Variants in KCNIP2 observed in about 807,000 individuals in gnomAD.
KCNIP2 encodes A-type potassium channel modulatory protein KCNIP2.
A neutral mutation model predicts 39.0 loss-of-function variants in KCNIP2; 19 were observed. The ratio of observed to expected loss-of-function variants is 0.49; its 90% CI spans 0.34 to 0.71. The LOEUF is 0.71. Among genes scored for constraint, KCNIP2 ranks in the 30% least tolerant of loss-of-function variants. KCNIP2 has a pLI of 0.01. For synonymous variants in KCNIP2, 111 were observed against 131.2 expected, an observed-to-expected ratio of 0.85 and a Z score of 1.05; for missense variants, 261 against 346.0, an observed-to-expected ratio of 0.75 and a Z score of 1.95.
At chr10:101,832,506 C>T (rs1486900260) in intron 1 of KCNIP2, among the ~76,000 whole-genome samples, 1 of 152,162 alleles carries the variant, frequency 6.6e-6, no homozygotes, top group African/African-American at 2.4e-5. Context: ...AGGCTTCACC[C>T]TCCAGATCAG....
chr10:101,839,710 CT>C, intron 1 of KCNIP2: 1 of 1,595,158 alleles, frequency 6.3e-7, no homozygotes, highest in Non-Finnish European at 8.6e-7. Flanking sequence ...ACTTCGCTCA[CT>C]TTTTGAAGGA....
chr10:101,840,539 G>T (rs2066298195), intron 1 of KCNIP2, among the ~76,000 whole-genome samples: 2 of 61,880 alleles, frequency 3.2e-5, no homozygotes, highest in Admixed American at 3.8e-4. Flanking sequence ...TTCGAGAAGA[G>T]CCCCCCCCGC....
chr10:101,828,121 CA>C lies in KCNIP2; in HGVS notation c.597+29del. 6.2e-7 allele frequency: 1 copy of C among 1,600,978 alleles called. No homozygotes were observed. Among genetic ancestry groups the C allele is most frequent in the Non-Finnish European group, 8.6e-7 (1 of 1,168,152 alleles). ...CTGCACGCCACCCCCATCACCGCCA[CA>C]GACCCCCAGCCCTTCAGTTGCCCTG... On this transcript the variant is annotated intron_variant, in intron 7 of 9. Coordinates refer to ENST00000356640, the MANE Select transcript of KCNIP2 (RefSeq NM_173191.3). The surrounding 1 kb of genome is among the most constrained non-coding windows in gnomAD (Gnocchi z 6.6).
In KCNIP2 at chr10:101,827,115, G is replaced by T; in HGVS notation, c.*238C>A. 1 of 983,818 alleles carries T rather than the reference G, an allele frequency of 1.0e-6. No homozygotes were observed. The highest frequency in any genetic ancestry group is 1.3e-6 in the Non-Finnish European group (1 of 751,026). 60.9% of individuals were successfully genotyped at this position (983,818 alleles called of 1,614,324 possible). On this transcript the variant is annotated 3_prime_UTR_variant, in exon 10 of 10. Coordinates refer to ENST00000356640, the MANE Select transcript of KCNIP2 (RefSeq NM_173191.3). ...GGGGCACTCTCAACACTGGGTGTCA[G>T]GCAGGAAGGGGGTGAGAGCTGGTGG...
chr10:101,843,504 T>C lies in KCNIP2; in HGVS notation c.65A>G (p.Gln22Arg). Reference sequence around the variant, plus strand: ...CCACGTCACTGACTCACCCGTGAGCTGGTCGTAGGAGCCGTCCAGGTCTCG... The same window carrying C: ...CCACGTCACTGACTCACCCGTGAGCCGGTCGTAGGAGCCGTCCAGGTCTCG... ...DSRDLDGSYD[Q>R]LTGHPPGPTK... is the part of the protein sequence containing the mutation. The change falls in exon 1 of 10, where the codon CAG (glutamine) becomes CGG (arginine). Residue 22 changes from glutamine (Q) to arginine (R), a missense_variant. Coordinates refer to ENST00000356640, the MANE Select transcript of KCNIP2 (RefSeq NM_173191.3). This position sits in a 1 kb window ranked among gnomAD's most constrained non-coding sequence, Gnocchi z 6.7. The C allele has an allele frequency of 6.3e-7, 1 of 1,577,924 alleles. No homozygotes were observed. The highest frequency in any genetic ancestry group is 1.8e-5 in the Admixed American group (1 of 56,942).
Position 101,828,591 on chromosome 10 carries a change from A to G in KCNIP2, c.418+36T>C. On this transcript the variant is annotated intron_variant, in intron 5 of 9. Coordinates refer to ENST00000356640, the MANE Select transcript of KCNIP2 (RefSeq NM_173191.3). This position sits in a 1 kb window ranked among gnomAD's most constrained non-coding sequence, Gnocchi z 6.6. Reference sequence around the variant, plus strand: ...ATCCCTCCCTCCCTCAGCCTAGAGAAGGACAACTGCTTCCCCTTGGGCCTT... The same window carrying G: ...ATCCCTCCCTCCCTCAGCCTAGAGAGGGACAACTGCTTCCCCTTGGGCCTT... The G allele has an allele frequency of 6.2e-7, 1 of 1,605,214 alleles. No individual in the cohort carries two copies. Among genetic ancestry groups the G allele is most frequent in the Non-Finnish European group, 8.5e-7 (1 of 1,172,132 alleles).
At position 101,829,337 on chromosome 10, in the gene KCNIP2, G is replaced by A. The variant is rs959756478; in HGVS notation, c.224-138C>T. 29 of 1,145,294 alleles carry A rather than the reference G, an allele frequency of 2.5e-5. No individual in the cohort carries two copies. In the Middle Eastern group the frequency reaches 9.0e-4, roughly 35 times the overall value. The allele number at this position is 1,145,294 out of a possible 1,614,324, so 70.9% of individuals were successfully genotyped here. ...CCAGGCTGCCAGTTCCCTGGGCCCC[G>A]AGCCAAGGACACTGAGGTAAGGAGA... On this transcript the variant is annotated intron_variant, in intron 3 of 9. Transcript: ENST00000356640.
At position 101,828,015 on chromosome 10, in the gene KCNIP2, G is replaced by A; in HGVS notation, c.598-22C>T. On this transcript the variant is annotated intron_variant, in intron 7 of 9. Transcript: ENST00000356640. This position sits in a 1 kb window ranked among gnomAD's most constrained non-coding sequence, Gnocchi z 6.6. ...TTTCCTGTTAGGCCAAGAGAGAAGA[G>A]GATCCTTCCTCAGAGCCTCCAGCCT... 6.2e-7 allele frequency: 1 copy of A among 1,600,452 alleles called. No individual in the cohort carries two copies. Among genetic ancestry groups the A allele is most frequent in the Non-Finnish European group, 8.6e-7 (1 of 1,167,652 alleles).
intron 1 of KCNIP2, among the ~76,000 whole-genome samples, chr10:101,836,198 A>G (rs958552903): frequency 6.6e-6 from 1 of 151,200 alleles, no homozygotes; most frequent in African/African-American, 2.4e-5. Context: ...ACAGTACCAT[A>G]CACCTTCCTT....
rs989473838 is a variant in KCNIP2, at chr10:101,843,800, T to A, written c.-232A>T. On this transcript the variant is annotated 5_prime_UTR_variant, in exon 1 of 10. Transcript: ENST00000356640. The surrounding 1 kb of genome is among the most constrained non-coding windows in gnomAD (Gnocchi z 6.7). ...CGCAGAGCCGGAGGCAGAGCGGAGC[T>A]GAGCGCGGAGCCGAGCCGAGCTGCC... 8.8e-6 allele frequency: 3 copies of A among 341,426 alleles called. No homozygotes were observed. Among genetic ancestry groups the A allele is most frequent in the Non-Finnish European group, 1.6e-5 (3 of 190,028 alleles). 21.1% of individuals were successfully genotyped at this position (341,426 alleles called of 1,614,324 possible).
chr10:101,841,009 T>C (rs1235858367), intron 1 of KCNIP2, among the ~76,000 whole-genome samples: 1 of 152,238 alleles, frequency 6.6e-6, no homozygotes, highest in Non-Finnish European at 1.5e-5. Flanking sequence ...AACGCGGCCT[T>C]TCCCCTCGGA....
At chr10:101,842,316 A>G (rs775762786) in intron 1 of KCNIP2, among the ~76,000 whole-genome samples, 2 of 152,252 alleles carry the variant, frequency 1.3e-5, no homozygotes, top group African/African-American at 4.8e-5. Flanking sequence ...ACCCAGGAAC[A>G]TGCACATGCA....
chr10:101,831,018 GAC>G, intron 2 of KCNIP2, 52 bp downstream of exon 2: 1 of 1,455,540 alleles, frequency 6.9e-7, no homozygotes, highest in Non-Finnish European at 9.6e-7. Flanking sequence ...CTCATGCACA[GAC>G]ACGCACGCAC....
chr10:101,833,844 G>A (rs996342387), intron 1 of KCNIP2, among the ~76,000 whole-genome samples: 5 of 152,016 alleles, frequency 3.3e-5, no homozygotes, highest in Non-Finnish European at 5.9e-5. Flanking sequence ...AGGCACCGTG[G>A]TGGGCCCCTG....
chr10:101,839,658 T>C (rs2066261409), intron 1 of KCNIP2: 1 of 1,128,546 alleles, frequency 8.9e-7, no homozygotes, highest in African/African-American at 1.6e-5. Flanking sequence ...TCCATCTATT[T>C]GAGGGGCCCT....
At position 101,828,097 on chromosome 10, in the gene KCNIP2, T is replaced by C. The variant is rs2065807715; in HGVS notation, c.597+54A>G. On this transcript the variant is annotated intron_variant, in intron 7 of 9. Coordinates refer to ENST00000356640, the MANE Select transcript of KCNIP2 (RefSeq NM_173191.3). This position sits in a 1 kb window ranked among gnomAD's most constrained non-coding sequence, Gnocchi z 6.6. The stretch of plus-strand genomic sequence containing the variant: ...GTCATATTTCCCTCCCATCACCCTC[T>C]GCACGCCACCCCCATCACCGCCACA... The C allele has an allele frequency of 5.7e-6, 9 of 1,569,552 alleles. No homozygotes were observed. The highest frequency in any genetic ancestry group is 7.9e-6 in the Non-Finnish European group (9 of 1,139,686).
intron 1 of KCNIP2, among the ~76,000 whole-genome samples, chr10:101,831,561 A>T (rs2065993482): frequency 6.6e-6 from 1 of 152,142 alleles, no homozygotes; most frequent in Non-Finnish European, 1.5e-5. Context: ...GTGTATAGTG[A>T]CATGTAGAAC....
intron 1 of KCNIP2, among the ~76,000 whole-genome samples, chr10:101,840,767 G>A (rs1266092714): frequency 1.3e-5 from 2 of 152,124 alleles, no homozygotes; most frequent in Admixed American, 6.5e-5. Flanking sequence ...CCTAACTCTG[G>A]GCAAATCTTG....
intron 2 of KCNIP2, among the ~76,000 whole-genome samples, chr10:101,830,722 TG>T (rs1291764232): frequency 6.8e-6 from 1 of 146,764 alleles, no homozygotes; most frequent in African/African-American, 2.5e-5. Flanking sequence ...CACGCAGGCC[TG>T]GGGCACGCCC....
Sources: allele counts gnomAD v4.1 joint callset (sites outside exome capture counted in the v4.1 genomes callset), GRCh38; gene constraint gnomAD v4.1.1; non-coding constraint Gnocchi (gnomAD v3.1); transcripts MANE v1.5; gene names NCBI Gene and HGNC (gene_info 2026-07-23, HGNC 2026-07-21).